Variants in GLIS3 observed in about 807,000 individuals in gnomAD.
The protein encoded by GLIS3 is zinc finger protein GLIS3.
GLIS3 carries 53 observed loss-of-function variants against 78.6 expected under a neutral mutation model. The observed-to-expected ratio is 0.67, with a 90% CI of 0.54 to 0.85. GLIS3 has a LOEUF of 0.85. Ranked by LOEUF, GLIS3 falls within the 40% of genes least tolerant of loss-of-function variation. The pLI is 0.00. For synonymous variants in GLIS3, 684 were observed against 509.9 expected, an observed-to-expected ratio of 1.34 and a Z score of -4.60; for missense variants, 1,703 against 1,231.1, an observed-to-expected ratio of 1.38 and a Z score of -5.74.
At chr9:4,398,824 G>C in the GLIS3 span, among the ~76,000 whole-genome samples, 21 of 152,298 alleles carry the variant, frequency 1.4e-4, no homozygotes, top group Admixed American at 2.0e-4. Flanking sequence ...AAGTAGCTGG[G>C]ATTACAGGTG....
chr9:4,067,394 C>T (rs1460640094), intron 4 of GLIS3, among the ~76,000 whole-genome samples: 1 of 152,028 alleles, frequency 6.6e-6, no homozygotes, highest in African/African-American at 2.4e-5. Context: ...CTGACTGATA[C>T]ACTGTCTTAC....
chr9:4,093,449 G>A (rs1001793514), intron 4 of GLIS3, among the ~76,000 whole-genome samples: 6 of 152,156 alleles, frequency 3.9e-5, no homozygotes, highest in Non-Finnish European at 5.9e-5. Context: ...TTCCTCCCTC[G>A]GGTTGGCAGG....
chr9:4,132,348 T>A (rs1833041270), intron 2 of GLIS3, among the ~76,000 whole-genome samples: 1 of 152,218 alleles, frequency 6.6e-6, no homozygotes, highest in African/African-American at 2.4e-5. Flanking sequence ...GAGTTCACCT[T>A]AGCAGGGCAT....
At chr9:4,075,194 C>A (rs1380224804) in intron 4 of GLIS3, among the ~76,000 whole-genome samples, 1 of 152,050 alleles carries the variant, frequency 6.6e-6, no homozygotes, top group South Asian at 2.1e-4. Flanking sequence ...ATATGTCCAA[C>A]CTCATCAAAA....
At chr9:4,090,744 G>C (rs1300918905) in intron 4 of GLIS3, among the ~76,000 whole-genome samples, 1 of 152,174 alleles carries the variant, frequency 6.6e-6, no homozygotes. Context: ...GGGAAGAAGA[G>C]ATAAGCTTAA....
At chr9:3,925,386 C>T (rs1041342692) in intron 6 of GLIS3, among the ~76,000 whole-genome samples, 5 of 152,104 alleles carry the variant, frequency 3.3e-5, no homozygotes, top group Non-Finnish European at 7.3e-5. Context: ...GCATGGGCCT[C>T]GCCTGTACTG....
intron 8 of GLIS3, among the ~76,000 whole-genome samples, chr9:3,869,191 T>C (rs1055506329): frequency 3.3e-5 from 5 of 152,312 alleles, no homozygotes; most frequent in Admixed American, 3.3e-4. Context: ...GATTTTGATA[T>C]GCTTAATATT....
intron 2 of GLIS3, among the ~76,000 whole-genome samples, chr9:4,140,422 C>G (rs1047151941): frequency 5.9e-5 from 9 of 152,192 alleles, no homozygotes; most frequent in African/African-American, 1.9e-4. Flanking sequence ...GACACATTCT[C>G]TATCATAAAT....
chr9:3,942,463 G>A (rs16920095), intron 4 of GLIS3, among the ~76,000 whole-genome samples: 24,720 of 152,116 alleles, frequency 0.16, 2,014 homozygotes, highest in Middle Eastern at 0.23. Flanking sequence ...TGCAGATACT[G>A]TCAAAGTGAC....
intron 2 of GLIS3, among the ~76,000 whole-genome samples, chr9:4,215,463 T>C (rs1247907124): frequency 6.6e-6 from 1 of 152,192 alleles, no homozygotes; most frequent in Non-Finnish European, 1.5e-5. Context: ...GCACAAAGCC[T>C]ATCATTTATG....
the GLIS3 span, among the ~76,000 whole-genome samples, chr9:4,382,921 G>A: frequency 6.6e-6 from 1 of 152,176 alleles, no homozygotes; most frequent in South Asian, 2.1e-4. Context: ...TTCTGGCCCA[G>A]GGAAGGGCAT....
intron 2 of GLIS3, among the ~76,000 whole-genome samples, chr9:4,328,229 A>G (rs1457116223): frequency 1.3e-5 from 2 of 152,204 alleles, no homozygotes; most frequent in Non-Finnish European, 2.9e-5. Flanking sequence ...GGGCAGGAAC[A>G]AGAGAACCAT....
At chr9:4,298,340 C>G in intron 1 of GLIS3, 1 of 455,574 alleles carries the variant, frequency 2.2e-6, no homozygotes, top group South Asian at 1.6e-5. Flanking sequence ...AGGGCGCGAA[C>G]GCGGAGCCAG....
At chr9:4,279,699 C>T (rs1320832972) in intron 2 of GLIS3, among the ~76,000 whole-genome samples, 3 of 738 alleles carry the variant, frequency 4.1e-3, no homozygotes, top group South Asian at 0.12. Flanking sequence ...TTTGGTCAGT[C>T]GGTTTGCTTA....
chr9:4,357,940 G>A, the GLIS3 span, among the ~76,000 whole-genome samples: 2 of 152,138 alleles, frequency 1.3e-5, no homozygotes, highest in African/African-American at 4.8e-5. Context: ...CCATTAGAGG[G>A]TCATTAAACA....
At chr9:4,039,810 G>C (rs759844737) in intron 4 of GLIS3, among the ~76,000 whole-genome samples, 6 of 152,178 alleles carry the variant, frequency 3.9e-5, no homozygotes, top group Non-Finnish European at 5.9e-5. Context: ...TGTCACAATG[G>C]TCAAGTACTA....
At chr9:4,026,626 A>AATT (rs1823370811) in intron 4 of GLIS3, among the ~76,000 whole-genome samples, 1 of 152,224 alleles carries the variant, frequency 6.6e-6, no homozygotes, top group Non-Finnish European at 1.5e-5. Context: ...ATTCAATAAA[A>AATT]CACAGATCAT....
intron 2 of GLIS3, among the ~76,000 whole-genome samples, chr9:4,279,252 C>T (rs868480653): frequency 3.5e-5 from 5 of 144,102 alleles, no homozygotes; most frequent in African/African-American, 5.1e-5. Context: ...GAGCCGAGAT[C>T]GCGCCACTGC....
chr9:4,145,128 T>G (rs995464494), intron 2 of GLIS3: 1 of 152,228 alleles, frequency 6.6e-6, no homozygotes, highest in Non-Finnish European at 1.5e-5. Context: ...GATTTTAGAC[T>G]TGGGCTCTGA....
Sources: gnomAD v4.1 joint callset for allele counts (sites outside exome capture counted in the v4.1 genomes callset) on GRCh38, gnomAD v4.1.1 for gene constraint, MANE v1.5 for transcripts, NCBI Gene and HGNC (gene_info 2026-07-23, HGNC 2026-07-21) for gene names.